Variants in NR6A1 observed in about 807,000 individuals in gnomAD.
The protein encoded by NR6A1 is retinoic acid receptor-related testis-associated receptor.
A neutral mutation model predicts 59.1 loss-of-function variants in NR6A1; 7 were observed. The observed-to-expected ratio is 0.12, with a 90% CI of 0.07 to 0.22. The LOEUF is 0.22. Ranked by LOEUF, NR6A1 falls within the 10% of genes least tolerant of loss-of-function variation. The probability of loss-of-function intolerance (pLI) is 1.00; values close to 1 mark genes in which losing one functional copy is unlikely to be tolerated. For synonymous variants in NR6A1, 243 were observed against 236.1 expected (o/e 1.03, Z -0.27); for missense variants, 468 against 611.6 (o/e 0.77, Z 2.48).
chr9:124,712,041 T>G (rs1441907283), intron 2 of NR6A1, among the ~76,000 whole-genome samples: 1 of 152,228 alleles, frequency 6.6e-6, no homozygotes, highest in Non-Finnish European at 1.5e-5. Context: ...TTTTCTATTT[T>G]TCAGTCTGAG....
At chr9:124,676,658 G>A (rs865925592) in intron 2 of NR6A1, among the ~76,000 whole-genome samples, 3 of 152,118 alleles carry the variant, frequency 2.0e-5, no homozygotes, top group Middle Eastern at 3.2e-3. Context: ...CTAAAGTAGT[G>A]ATAATCCATT....
At chr9:124,769,726 GAT>G (rs1271036785) in intron 1 of NR6A1, among the ~76,000 whole-genome samples, 2 of 152,206 alleles carry the variant, frequency 1.3e-5, no homozygotes, top group African/African-American at 4.8e-5. Flanking sequence ...GAAATGAGGA[GAT>G]GTGAAAGGTG....
At chr9:124,649,485 C>T (rs1320773331) in intron 2 of NR6A1, among the ~76,000 whole-genome samples, 1 of 152,072 alleles carries the variant, frequency 6.6e-6, no homozygotes, top group Non-Finnish European at 1.5e-5. Flanking sequence ...ATATGTAAGA[C>T]CTGAGACTAC....
intron 2 of NR6A1, among the ~76,000 whole-genome samples, chr9:124,718,866 G>A (rs1057248993): frequency 7.9e-6 from 1 of 126,808 alleles, no homozygotes; most frequent in African/African-American, 3.0e-5. Context: ...CCAGGCTGGA[G>A]TACAGTGGCG....
chr9:124,523,435 G>A (rs1832848069), intron 9 of NR6A1, among the ~76,000 whole-genome samples: 1 of 152,042 alleles, frequency 6.6e-6, no homozygotes, highest in African/African-American at 2.4e-5. Context: ...GTGACCTGGG[G>A]AGCCGTTCGA....
Position 124,679,810 on chromosome 9 carries a change from T to C in NR6A1, c.142+53498A>G, listed in dbSNP as rs148303761. On this transcript the variant is annotated intron_variant, in intron 2 of 9. Coordinates refer to ENST00000487099, the MANE Select transcript of NR6A1 (RefSeq NM_033334.4). ...TTCATGGGTGGCTAAGGTAGGAGGATAGCTTGAACCAGGGAGGTGGTGGTT... is the reference window on the plus strand; with the variant it reads ...TTCATGGGTGGCTAAGGTAGGAGGACAGCTTGAACCAGGGAGGTGGTGGTT... Among the ~76,000 whole-genome samples, 578 of 150,392 alleles carry C rather than the reference T, an allele frequency of 3.8e-3. 2 individuals carry two copies. Among genetic ancestry groups the C allele is most frequent in the African/African-American group, 0.013 (529 of 40,800 alleles).
intron 2 of NR6A1, among the ~76,000 whole-genome samples, chr9:124,565,679 G>A (rs1834220883): frequency 6.6e-6 from 1 of 152,174 alleles, no homozygotes; most frequent in African/African-American, 2.4e-5. Flanking sequence ...TTGAATAGGT[G>A]TGCCACAAAG....
chr9:124,740,137 T>C (rs999897299), intron 1 of NR6A1, among the ~76,000 whole-genome samples: 1 of 152,198 alleles, frequency 6.6e-6, no homozygotes, highest in African/African-American at 2.4e-5. Context: ...CTCCCAGAAT[T>C]CAACACGCTC....
intron 2 of NR6A1, among the ~76,000 whole-genome samples, chr9:124,650,479 G>C (rs949984518): frequency 2.0e-5 from 3 of 152,090 alleles, no homozygotes; most frequent in African/African-American, 7.2e-5. Flanking sequence ...TGGTTAATAG[G>C]TACAAAAATA....
At chr9:124,760,678 G>C (rs1840763885) in intron 1 of NR6A1, among the ~76,000 whole-genome samples, 1 of 152,160 alleles carries the variant, frequency 6.6e-6, no homozygotes, top group Non-Finnish European at 1.5e-5. Context: ...GTAAGATGGG[G>C]ATAACAGAAC....
At chr9:124,569,933 A>G (rs1834388555) in intron 2 of NR6A1, among the ~76,000 whole-genome samples, 1 of 152,178 alleles carries the variant, frequency 6.6e-6, no homozygotes, top group Non-Finnish European at 1.5e-5. Flanking sequence ...AGACTGATGG[A>G]CTATTTGGGA....
Position 124,527,401 on chromosome 9 carries a change from T to C in NR6A1, c.1080-501A>G, listed in dbSNP as rs565654290. 2.0e-5 allele frequency among the ~76,000 whole-genome samples: 3 copies of C among 152,324 alleles called. No individual in the cohort carries two copies. The South Asian group carries it at 6.2e-4, about 32-fold the overall frequency. ...TGATTGTATTTGCTTGTGTTAACTG[T>C]TTCCAGCAGAGCTGAGGTTATGCAT... is the stretch of plus-strand genomic sequence containing the variant. On this transcript the variant is annotated intron_variant, in intron 7 of 9. Coordinates refer to ENST00000487099, the MANE Select transcript of NR6A1 (RefSeq NM_033334.4).
chr9:124,719,577 A>T (rs1284072068), intron 2 of NR6A1, among the ~76,000 whole-genome samples: 1 of 152,154 alleles, frequency 6.6e-6, no homozygotes, highest in Non-Finnish European at 1.5e-5. Flanking sequence ...AAATGGGTAA[A>T]GGAGGCCACC....
chr9:124,651,531 T>C (rs1330426963), intron 2 of NR6A1, among the ~76,000 whole-genome samples: 1 of 152,194 alleles, frequency 6.6e-6, no homozygotes, highest in East Asian at 1.9e-4. Context: ...GAATTCAAAG[T>C]AACAATTTTA....
intron 1 of NR6A1, among the ~76,000 whole-genome samples, chr9:124,752,364 A>C (rs1840526775): frequency 6.6e-6 from 1 of 152,198 alleles, no homozygotes; most frequent in South Asian, 2.1e-4. Context: ...TTAAACAATC[A>C]ATTTTTTTAA....
At chr9:124,621,757 C>T (rs1035201174) in intron 2 of NR6A1, among the ~76,000 whole-genome samples, 1 of 152,132 alleles carries the variant, frequency 6.6e-6, no homozygotes, top group Admixed American at 6.6e-5. Context: ...ATGAATCTAG[C>T]ATTTCATTTT....
rs532151011 is a variant in NR6A1, at chr9:124,697,329, T to TAA, written c.142+35977_142+35978dup. Among the ~76,000 whole-genome samples, 173 of 152,196 alleles carry TAA rather than the reference T, an allele frequency of 1.1e-3. 1 individual carries two copies. Among genetic ancestry groups the TAA allele is most frequent in the African/African-American group, 3.8e-3 (157 of 41,520 alleles). On this transcript the variant is annotated intron_variant, in intron 2 of 9. Transcript: ENST00000487099. The stretch of plus-strand genomic sequence containing the variant: ...ATGGAAGAAACAAAAGTATATAACG[T>TAA]AAAAGGCAGAACTAATTCTAACGAA...
At chr9:124,610,798 G>A (rs1213577763) in intron 2 of NR6A1, among the ~76,000 whole-genome samples, 6 of 152,128 alleles carry the variant, frequency 3.9e-5, no homozygotes, top group African/African-American at 1.2e-4. Context: ...GGTCTATTCA[G>A]GGATTCAACT....
At chr9:124,669,788 G>C (rs1286685203) in intron 2 of NR6A1, among the ~76,000 whole-genome samples, 1 of 152,070 alleles carries the variant, frequency 6.6e-6, no homozygotes, top group Non-Finnish European at 1.5e-5. Context: ...GTAGAGATGG[G>C]GTTTCACTAT....
Sources: allele counts gnomAD v4.1 joint callset (sites outside exome capture counted in the v4.1 genomes callset), GRCh38; gene constraint gnomAD v4.1.1; transcripts MANE v1.5; gene names NCBI Gene and HGNC (gene_info 2026-07-23, HGNC 2026-07-21).